FFAR4: variants seen among roughly 807,000 people sequenced by gnomAD.
FFAR4 encodes G-protein coupled receptor 120.
Under a neutral mutation model 27.0 loss-of-function variants are expected in FFAR4, and 19 were observed. The ratio of observed to expected loss-of-function variants is 0.70; its 90% CI spans 0.49 to 1.03. The LOEUF (loss-of-function observed/expected upper bound fraction) is 1.03. Among genes scored for constraint, FFAR4 ranks in the 50% least tolerant of loss-of-function variants. FFAR4 has a pLI of 0.00. For synonymous variants in FFAR4, 254 were observed against 215.6 expected (o/e 1.18, Z -1.56); for missense variants, 476 against 479.0 (o/e 0.99, Z 0.06).
intron 2 of FFAR4, among the ~76,000 whole-genome samples, chr10:93,585,143 G>T (rs2058219730): frequency 6.6e-6 from 1 of 152,164 alleles, no homozygotes; most frequent in South Asian, 2.1e-4. Context: ...GACACCTGTA[G>T]GATCTCCTGA....
intron 1 of FFAR4, among the ~76,000 whole-genome samples, chr10:93,572,971 T>C (rs1311718704): frequency 3.3e-5 from 5 of 152,198 alleles, no homozygotes; most frequent in Non-Finnish European, 7.3e-5. Flanking sequence ...GTGAGTGGCC[T>C]CCCAATTTCA....
In FFAR4 at chr10:93,566,696, C is replaced by T. The variant is rs375922408; in HGVS notation, c.-25C>T. 1.3e-5 allele frequency: 19 copies of T among 1,483,294 alleles called. No homozygotes were observed. Among genetic ancestry groups the T allele is most frequent in the Non-Finnish European group, 1.5e-5 (17 of 1,101,916 alleles). The allele number at this position is 1,483,294 out of a possible 1,614,324, so 91.9% of individuals were successfully genotyped here. On this transcript the variant is annotated 5_prime_UTR_variant, in exon 1 of 3. Coordinates refer to ENST00000371481, the MANE Select transcript of FFAR4 (RefSeq NM_001195755.2). ...CTCCCAGATGAGCACTCTCTCAGAC[C>T]GCTGCGGGCCGCCAGGCGCCGGGAA... is the stretch of plus-strand genomic sequence containing the variant.
intron 1 of FFAR4, among the ~76,000 whole-genome samples, chr10:93,574,854 G>T (rs1029206577): frequency 6.6e-6 from 1 of 152,066 alleles, no homozygotes; most frequent in African/African-American, 2.4e-5. Flanking sequence ...AGCCGAGATC[G>T]CGCCACCGCA....
chr10:93,580,685 G>C (rs2134551627), intron 2 of FFAR4, among the ~76,000 whole-genome samples: 1 of 152,240 alleles, frequency 6.6e-6, no homozygotes, highest in South Asian at 2.1e-4. Flanking sequence ...TGCCTTTTTG[G>C]AAACCCTGCT....
intron 2 of FFAR4, among the ~76,000 whole-genome samples, chr10:93,579,991 T>C (rs2058188856): frequency 6.6e-6 from 1 of 152,224 alleles, no homozygotes; most frequent in Admixed American, 6.5e-5. Context: ...AAAATTACTT[T>C]CCACGTTATT....
intron 2 of FFAR4, among the ~76,000 whole-genome samples, chr10:93,583,696 G>A (rs1325808419): frequency 2.6e-5 from 4 of 152,218 alleles, no homozygotes; most frequent in African/African-American, 7.2e-5. Flanking sequence ...CTTCTTAGCT[G>A]AGTACTGGTG....
At chr10:93,573,403 G>A (rs1289184675) in intron 1 of FFAR4, among the ~76,000 whole-genome samples, 1 of 152,116 alleles carries the variant, frequency 6.6e-6, no homozygotes, top group Non-Finnish European at 1.5e-5. Context: ...AATATAATAG[G>A]ACTCACATCC....
At chr10:93,584,678 A>G (rs1407348717) in intron 2 of FFAR4, among the ~76,000 whole-genome samples, 1 of 151,988 alleles carries the variant, frequency 6.6e-6, no homozygotes, top group African/African-American at 2.4e-5. Flanking sequence ...CATAAAACAA[A>G]CAACTATCCT....
At chr10:93,578,561 C>T (rs777658771) in intron 2 of FFAR4, among the ~76,000 whole-genome samples, 2 of 152,124 alleles carry the variant, frequency 1.3e-5, no homozygotes, top group Non-Finnish European at 2.9e-5. Flanking sequence ...AGCTTAGTTA[C>T]CATCTCTGGG....
At chr10:93,579,319 C>T in intron 2 of FFAR4, 1 of 870,278 alleles carries the variant, frequency 1.1e-6, no homozygotes, top group Non-Finnish European at 1.9e-6. Context: ...TTCTCACCTT[C>T]ATATTTCACC....
chr10:93,572,123 GA>G (rs1052660928), intron 1 of FFAR4, among the ~76,000 whole-genome samples: 2 of 152,176 alleles, frequency 1.3e-5, no homozygotes, highest in African/African-American at 4.8e-5. Context: ...ATGCTGGCTG[GA>G]AAAAGGCAGG....
At chr10:93,574,144 A>C (rs2058148370) in intron 1 of FFAR4, among the ~76,000 whole-genome samples, 1 of 152,142 alleles carries the variant, frequency 6.6e-6, no homozygotes, top group Admixed American at 6.5e-5. Context: ...TCACACATAT[A>C]CATTCTCTTC....
At chr10:93,586,278 G>T (rs1350600633) in intron 2 of FFAR4, among the ~76,000 whole-genome samples, 1 of 152,070 alleles carries the variant, frequency 6.6e-6, no homozygotes, top group Non-Finnish European at 1.5e-5. Flanking sequence ...CTCCCCCTTC[G>T]CTTGGTTCTC....
Position 93,567,071 on chromosome 10 carries a change from G to A in FFAR4, c.351G>A (p.Val117=). ...GPVACHLLFY[V]MTLSGSVTIL... ...TTGCCTGCCACCTGCTCTTCTACGT[G>A]ATGACCCTGAGCGGCAGCGTCACCA... The change falls in exon 1 of 3, where the codon GTG becomes GTA. Residue 117 remains valine, a synonymous_variant. Transcript: ENST00000371481. 1 of 1,611,092 alleles carries A rather than the reference G, an allele frequency of 6.2e-7. No homozygotes were observed. Among genetic ancestry groups the A allele is most frequent in the Middle Eastern group, 1.7e-4 (1 of 6,058 alleles).
intron 2 of FFAR4, among the ~76,000 whole-genome samples, chr10:93,583,246 C>CAA (rs56030960): frequency 1.3e-3 from 131 of 102,282 alleles, no homozygotes; most frequent in Non-Finnish European, 1.7e-3. Context: ...ACTAAAAATA[C>CAA]AAAAAAAAAA....
chr10:93,578,273 C>T (rs890910159), intron 2 of FFAR4, among the ~76,000 whole-genome samples: 3 of 151,740 alleles, frequency 2.0e-5, no homozygotes, highest in African/African-American at 4.8e-5. Flanking sequence ...AAAAATCAGC[C>T]GGGCGTAGTG....
chr10:93,567,198 G>A lies in FFAR4; in HGVS notation c.478G>A (p.Ala160Thr). The A allele has an allele frequency of 1.2e-6, 2 of 1,603,106 alleles. No homozygotes were observed. Among genetic ancestry groups the A allele is most frequent in the Non-Finnish European group, 1.7e-6 (2 of 1,179,330 alleles). ...PGRRARAVLL[A>T]LIWGYSAVAA... ...GCGGCGGGCGCGGGCAGTGCTGCTGGCGCTCATCTGGGGCTATTCGGCGGT... is the reference window on the plus strand; with the variant it reads ...GCGGCGGGCGCGGGCAGTGCTGCTGACGCTCATCTGGGGCTATTCGGCGGT... Residue 160 changes from alanine to threonine, a missense_variant, in exon 1 of 3, where the codon GCG becomes ACG. Transcript: ENST00000371481.
At chr10:93,583,015 A>T (rs7091593) in intron 2 of FFAR4, among the ~76,000 whole-genome samples, 19,952 of 151,900 alleles carry the variant, frequency 0.13, 1,468 homozygotes, top group African/African-American at 0.18. Flanking sequence ...TCCCACCTGG[A>T]TCCTCCCTCC....
chr10:93,573,183 C>T (rs987537979), intron 1 of FFAR4, among the ~76,000 whole-genome samples: 3 of 152,234 alleles, frequency 2.0e-5, no homozygotes, highest in Admixed American at 2.0e-4. Flanking sequence ...AGGAAAGGGC[C>T]AGCGCCTTGC....
Sources: gnomAD v4.1 joint callset for allele counts (sites outside exome capture counted in the v4.1 genomes callset) on GRCh38, gnomAD v4.1.1 for gene constraint, MANE v1.5 for transcripts, NCBI Gene and HGNC (gene_info 2026-07-23, HGNC 2026-07-21) for gene names.